Variants in TRERF1 observed in about 807,000 individuals in gnomAD.
TRERF1 encodes the protein transcriptional-regulating factor 1.
In TRERF1, 27 loss-of-function variants were observed where a neutral mutation model predicts 122.9. That is an observed-to-expected ratio of 0.22 (90% CI 0.16 to 0.30). The LOEUF is 0.30. TRERF1 is among the 10% of genes least tolerant of loss of function. TRERF1 has a pLI of 1.00. For missense variants in TRERF1, 1,248 were observed against 1,560.3 expected, an observed-to-expected ratio of 0.80 and a Z score of 3.37; for synonymous variants, 636 against 641.7, an observed-to-expected ratio of 0.99 and a Z score of 0.13.
intron 16 of TRERF1, among the ~76,000 whole-genome samples, chr6:42,234,705 C>T (rs1301100859): frequency 1.3e-4 from 20 of 152,096 alleles, no homozygotes. Context: ...AAGCCTCCAT[C>T]GTTAGGCAAG....
intron 2 of TRERF1, among the ~76,000 whole-genome samples, chr6:42,366,087 C>G (rs1172947090): frequency 2.6e-5 from 4 of 152,172 alleles, no homozygotes; most frequent in African/African-American, 9.7e-5. Flanking sequence ...TCCCCTGCAG[C>G]TCTGCCCTCT....
At chr6:42,367,549 C>T (rs1581819193) in intron 2 of TRERF1, among the ~76,000 whole-genome samples, 1 of 152,108 alleles carries the variant, frequency 6.6e-6, no homozygotes. Flanking sequence ...GGAGGAGAGG[C>T]GTGCAGAGCC....
Position 42,269,015 on chromosome 6 carries a change from G to A in TRERF1, c.576C>T (p.Pro192=). 6.2e-7 allele frequency: 1 copy of A among 1,613,920 alleles called. No individual in the cohort carries two copies. Reference sequence around the variant, plus strand: ...AGCGGGAAGGGATAGCCGGTGCTGGGGGCTCCATGGGCTTCTGAGACAGCA... The same window carrying A: ...AGCGGGAAGGGATAGCCGGTGCTGGAGGCTCCATGGGCTTCTGAGACAGCA... Residue 192 remains proline (P), a synonymous_variant, in exon 5 of 18, where the codon CCC becomes CCT. Transcript: ENST00000372922. The surrounding 1 kb of genome is among the most constrained non-coding windows in gnomAD (Gnocchi z 4.9).
At chr6:42,373,580 T>C (rs1036102361) in intron 2 of TRERF1, among the ~76,000 whole-genome samples, 8 of 151,960 alleles carry the variant, frequency 5.3e-5, no homozygotes, top group Non-Finnish European at 1.0e-4. Context: ...GGCAGGAGAA[T>C]GTCATGAACC....
chr6:42,312,433 G>T (rs537454887), intron 3 of TRERF1, among the ~76,000 whole-genome samples: 1 of 152,338 alleles, frequency 6.6e-6, no homozygotes, highest in South Asian at 2.1e-4. Context: ...ACTGGATCAC[G>T]GAGTCAGTAG....
chr6:42,247,531 G>C (rs1775015489), intron 13 of TRERF1, among the ~76,000 whole-genome samples: 1 of 152,182 alleles, frequency 6.6e-6, no homozygotes, highest in Non-Finnish European at 1.5e-5. Flanking sequence ...TCCAGCAGAA[G>C]CAGATGAGGC....
At chr6:42,360,790 A>C (rs1206989206) in intron 3 of TRERF1, among the ~76,000 whole-genome samples, 3 of 147,230 alleles carry the variant, frequency 2.0e-5, no homozygotes, top group South Asian at 2.1e-4. Flanking sequence ...AAAAAAAAAA[A>C]AAAAAAAAAA....
At chr6:42,408,328 T>C (rs1470508450) in intron 2 of TRERF1, among the ~76,000 whole-genome samples, 2 of 142,320 alleles carry the variant, frequency 1.4e-5, no homozygotes, top group Non-Finnish European at 3.1e-5. Context: ...TGTGTATATA[T>C]ATATATACAT....
intron 3 of TRERF1, among the ~76,000 whole-genome samples, chr6:42,308,455 G>A (rs993700644): frequency 2.6e-5 from 4 of 152,218 alleles, no homozygotes; most frequent in African/African-American, 9.6e-5. Context: ...GTGGTTGCAA[G>A]GGGCTGGGGA....
In TRERF1 at chr6:42,277,854, A is replaced by AAAGAAGG. The variant is rs1321320657; in HGVS notation, c.-258-8013_-258-8007dup. ...AAATAAATAAATAAATAAGAAGAAG[A>AAAGAAGG]AAGAAGGAAGAAGGAAGAAGAAGGA... is the stretch of plus-strand genomic sequence containing the variant. On this transcript the variant is annotated intron_variant, in intron 4 of 17. Transcript: ENST00000372922. 9.7e-3 allele frequency among the ~76,000 whole-genome samples: 1,400 copies of AAAGAAGG among 145,046 alleles called. 81 individuals carry two copies. Among genetic ancestry groups the AAAGAAGG allele is most frequent in the Middle Eastern group, 0.017 (5 of 290 alleles).
At position 42,264,921 on chromosome 6, in the gene TRERF1, C is replaced by A. The variant is rs938746999; in HGVS notation, c.1485-67G>T. ...AGGAAGGGGAAACAGTGACTTGCCA[C>A]AAGACCTCATACCCACCACAAACCC... On this transcript the variant is annotated intron_variant, in intron 6 of 17. Coordinates refer to ENST00000372922, the Ensembl canonical transcript of TRERF1. 9 of 1,564,094 alleles carry A rather than the reference C, an allele frequency of 5.8e-6. No homozygotes were observed. In the African/African-American group the frequency reaches 1.1e-4, roughly 19 times the overall value.
intron 3 of TRERF1, among the ~76,000 whole-genome samples, chr6:42,326,975 A>G (rs1279467854): frequency 6.6e-6 from 1 of 152,214 alleles, no homozygotes; most frequent in African/African-American, 2.4e-5. Context: ...GGCCAGGTGT[A>G]GAAGCATAGT....
intron 3 of TRERF1, among the ~76,000 whole-genome samples, chr6:42,301,384 C>T (rs71544453): frequency 6.6e-6 from 1 of 152,028 alleles, no homozygotes; most frequent in Non-Finnish European, 1.5e-5. Flanking sequence ...TGCCCACCAC[C>T]ACACCTGGCT....
chr6:42,253,587 C>T (rs1561831754), intron 13 of TRERF1, among the ~76,000 whole-genome samples: 1 of 152,182 alleles, frequency 6.6e-6, no homozygotes. Flanking sequence ...CTCCTTTAGG[C>T]CACCGGAGAA....
chr6:42,366,626 G>A (rs185479226), intron 2 of TRERF1, among the ~76,000 whole-genome samples: 1 of 152,318 alleles, frequency 6.6e-6, no homozygotes, highest in East Asian at 1.9e-4. Context: ...TTCTTCAAGG[G>A]AGAGCTTGAA....
chr6:42,271,705 G>A (rs1780251031), intron 4 of TRERF1, among the ~76,000 whole-genome samples: 1 of 152,004 alleles, frequency 6.6e-6, no homozygotes, highest in Non-Finnish European at 1.5e-5. Flanking sequence ...TACATTAAAT[G>A]TTTTGATCAA....
At chr6:42,254,960 A>T in intron 12 of TRERF1, 34 bp from the exon 13 acceptor site, 1 of 1,605,248 alleles carries the variant, frequency 6.2e-7, no homozygotes, top group Non-Finnish European at 8.5e-7. Flanking sequence ...GGCAAGAGTC[A>T]GCAACTGGTC....
chr6:42,379,914 A>G (rs1775615154), intron 2 of TRERF1, among the ~76,000 whole-genome samples: 1 of 152,230 alleles, frequency 6.6e-6, no homozygotes, highest in African/African-American at 2.4e-5. Context: ...TTTACGTTCC[A>G]CAGGGAGGAG....
Position 42,232,907 on chromosome 6 carries a change from G to A in TRERF1, c.3067-15C>T. 5 of 1,580,232 alleles carry A rather than the reference G, an allele frequency of 3.2e-6. No homozygotes were observed. Among genetic ancestry groups the A allele is most frequent in the Non-Finnish European group, 2.6e-6 (3 of 1,160,982 alleles). On this transcript the variant is annotated splice_polypyrimidine_tract_variant and intron_variant, in intron 16 of 17. Transcript: ENST00000372922. The surrounding 1 kb of genome is among the most constrained non-coding windows in gnomAD (Gnocchi z 4.5). Reference sequence around the variant, plus strand: ...GAGCTGAACACCTGGGGAAGAAAGGGAGTGACATGACATCTACAGTCCTGA... The same window carrying A: ...GAGCTGAACACCTGGGGAAGAAAGGAAGTGACATGACATCTACAGTCCTGA...
Sources: gnomAD v4.1 joint callset for allele counts (sites outside exome capture counted in the v4.1 genomes callset) on GRCh38, gnomAD v4.1.1 for gene constraint, Gnocchi (gnomAD v3.1) non-coding constraint, MANE v1.5 for transcripts, NCBI Gene and HGNC (gene_info 2026-07-23, HGNC 2026-07-21) for gene names.